The following SORCS1 variants were observed in gnomAD, a reference collection of about 807,000 sequenced individuals.
The protein encoded by SORCS1 is sortilin related VPS10 domain containing receptor 1.
A neutral mutation model predicts 146.1 loss-of-function variants in SORCS1; 60 were observed. That is an observed-to-expected ratio of 0.41 (90% CI 0.33 to 0.51). SORCS1 has a LOEUF of 0.51. SORCS1 is among the 20% of genes least tolerant of loss of function. SORCS1 has a pLI of 0.21. For missense variants in SORCS1, 1,352 were observed against 1,487.6 expected, an observed-to-expected ratio of 0.91 and a Z score of 1.50; for synonymous variants, 637 against 584.0, an observed-to-expected ratio of 1.09 and a Z score of -1.31.
At chr10:107,139,676 C>T (rs1385346717) in intron 1 of SORCS1, among the ~76,000 whole-genome samples, 1 of 152,204 alleles carries the variant, frequency 6.6e-6, no homozygotes, top group Non-Finnish European at 1.5e-5. Flanking sequence ...CTATGATGCT[C>T]TCCATATGCC....
At chr10:106,694,618 C>T (rs911728491) in intron 9 of SORCS1, among the ~76,000 whole-genome samples, 10 of 152,260 alleles carry the variant, frequency 6.6e-5, no homozygotes, top group Middle Eastern at 3.4e-3. Flanking sequence ...ACCTCCTAAA[C>T]TAGATTGTAA....
At chr10:106,609,699 T>C (rs1179917644) in intron 22 of SORCS1, among the ~76,000 whole-genome samples, 4 of 152,224 alleles carry the variant, frequency 2.6e-5, no homozygotes, top group African/African-American at 9.6e-5. Flanking sequence ...TTATTCTGCA[T>C]ATTCCTGATT....
chr10:106,630,158 C>G (rs1256791060), intron 18 of SORCS1, among the ~76,000 whole-genome samples: 3 of 152,164 alleles, frequency 2.0e-5, no homozygotes, highest in African/African-American at 4.8e-5. Flanking sequence ...CTGAATACCC[C>G]TCGTTATTTC....
At chr10:106,725,876 A>G (rs1276945459) in intron 6 of SORCS1, among the ~76,000 whole-genome samples, 1 of 149,772 alleles carries the variant, frequency 6.7e-6, no homozygotes, top group Non-Finnish European at 1.5e-5. Context: ...GGTTGCAGTG[A>G]GCCGAGATGG....
At chr10:107,078,281 T>C (rs1334940019) in intron 1 of SORCS1, among the ~76,000 whole-genome samples, 2 of 152,148 alleles carry the variant, frequency 1.3e-5, no homozygotes, top group African/African-American at 2.4e-5. Flanking sequence ...GCTGGAGTAG[T>C]AGAAGTGTTT....
At chr10:106,843,714 C>T (rs113385080) in intron 2 of SORCS1, among the ~76,000 whole-genome samples, 5 of 152,104 alleles carry the variant, frequency 3.3e-5, no homozygotes, top group Non-Finnish European at 5.9e-5. Flanking sequence ...GGATTACAGG[C>T]GTGAGCCACT....
chr10:106,808,458 A>C (rs1159835848), intron 3 of SORCS1, among the ~76,000 whole-genome samples: 1 of 152,174 alleles, frequency 6.6e-6, no homozygotes, highest in Non-Finnish European at 1.5e-5. Context: ...GTGGCACCCA[A>C]AACTGTGTGG....
intron 22 of SORCS1, 80 bp from the exon 23 acceptor site, chr10:106,607,377 C>G: frequency 7.7e-6 from 12 of 1,552,118 alleles, no homozygotes; most frequent in Admixed American, 5.7e-5. Flanking sequence ...GTGGGGGGAT[C>G]AGGGGTAGGC....
chr10:106,891,915 C>A (rs1385781640), intron 2 of SORCS1, among the ~76,000 whole-genome samples: 1 of 152,120 alleles, frequency 6.6e-6, no homozygotes, highest in African/African-American at 2.4e-5. Flanking sequence ...GGGTCCAGGG[C>A]TGGGGAGCAG....
intron 24 of SORCS1, among the ~76,000 whole-genome samples, chr10:106,581,535 G>A (rs1390047397): frequency 6.6e-6 from 1 of 151,958 alleles, no homozygotes; most frequent in Non-Finnish European, 1.5e-5. Context: ...TTGGAAGACA[G>A]GTATGTGTAT....
At chr10:107,099,477 G>T (rs1257952213) in intron 1 of SORCS1, among the ~76,000 whole-genome samples, 3 of 151,978 alleles carry the variant, frequency 2.0e-5, no homozygotes, top group African/African-American at 7.2e-5. Context: ...TTAGCCACAT[G>T]TAACTATGTA....
At chr10:106,702,315 A>G (rs1854195704) in intron 8 of SORCS1, among the ~76,000 whole-genome samples, 1 of 152,230 alleles carries the variant, frequency 6.6e-6, no homozygotes, top group Admixed American at 6.5e-5. Context: ...TCATCCCTGA[A>G]GCCAAGTTAA....
chr10:107,027,440 T>C lies in SORCS1; in HGVS notation c.559-70860A>G, dbSNP rs547648323. On this transcript the variant is annotated intron_variant, in intron 1 of 25. Transcript: ENST00000263054. ...TTGGGATTAATCAGCCAGGAGTTTT[T>C]AGCTGCAGGAATCAGGCAATCCGTG... Among the ~76,000 whole-genome samples, 33 of 152,276 alleles carry C rather than the reference T, an allele frequency of 2.2e-4. No homozygotes were observed. In the South Asian group the frequency reaches 6.6e-3, roughly 31 times the overall value.
chr10:106,709,550 G>A (rs1854813683), intron 6 of SORCS1, among the ~76,000 whole-genome samples: 1 of 146,844 alleles, frequency 6.8e-6, no homozygotes, highest in African/African-American at 2.5e-5. Context: ...CCGGGTTCAC[G>A]CCATTCTCCT....
chr10:106,912,453 AG>A, intron 2 of SORCS1, among the ~76,000 whole-genome samples: 1 of 152,164 alleles, frequency 6.6e-6, no homozygotes, highest in Non-Finnish European at 1.5e-5. Context: ...TAAAGCAATC[AG>A]AATCTCTGTT....
At chr10:106,897,629 C>T (rs1377697762) in intron 2 of SORCS1, among the ~76,000 whole-genome samples, 2 of 151,944 alleles carry the variant, frequency 1.3e-5, no homozygotes, top group East Asian at 3.9e-4. Context: ...TGTATGTGTG[C>T]TTGTGTATGT....
intron 1 of SORCS1, among the ~76,000 whole-genome samples, chr10:107,091,710 AGTAACTGCTGGAGACCCCCAT>A (rs1467690573): frequency 6.6e-6 from 1 of 152,164 alleles, no homozygotes; most frequent in Non-Finnish European, 1.5e-5. Context: ...TTCAAGATAG[AGTAACTGCTGGAGACCCCCAT>A]GTGCCTCTAA....
rs150699682 is a variant in SORCS1 at position 106,929,912 on chromosome 10, T to C, written c.626+26601A>G. Among the ~76,000 whole-genome samples the C allele has an allele frequency of 3.8e-4, 58 of 152,340 alleles. 1 individual carries two copies. The highest frequency in any genetic ancestry group is 3.4e-3 in the Middle Eastern group (1 of 294). ...TTCGAATATGGCATAAAATGAATGC[T>C]TGCTAACAGAGAATGGATGGGAGGA... On this transcript the variant is annotated intron_variant, in intron 2 of 25. Coordinates refer to ENST00000263054, the MANE Select transcript of SORCS1 (RefSeq NM_052918.5).
intron 18 of SORCS1, among the ~76,000 whole-genome samples, chr10:106,632,039 A>C (rs1027850603): frequency 1.7e-4 from 26 of 152,184 alleles, no homozygotes; most frequent in Admixed American, 1.6e-3. Context: ...TTTCAGAGTC[A>C]GGTTATTAGG....
Sources: gnomAD v4.1 joint callset for allele counts (sites outside exome capture counted in the v4.1 genomes callset) on GRCh38, gnomAD v4.1.1 for gene constraint, MANE v1.5 for transcripts, NCBI Gene and HGNC (gene_info 2026-07-23, HGNC 2026-07-21) for gene names.